FANCC: variants seen among roughly 807,000 people sequenced by gnomAD.
FANCC encodes the protein Fanconi anemia group C protein.
In FANCC, 55 loss-of-function variants were observed where a neutral mutation model predicts 71.3. The ratio of observed to expected loss-of-function variants is 0.77; its 90% CI spans 0.62 to 0.97. The LOEUF is 0.97. Among genes scored for constraint, FANCC ranks in the 50% least tolerant of loss-of-function variants. The pLI is 0.00. For synonymous variants in FANCC, 275 were observed against 244.9 expected (o/e 1.12, Z -1.15); for missense variants, 678 against 670.9 (o/e 1.01, Z -0.12).
At chr9:95,135,204 A>C (rs1489131765) in intron 8 of FANCC, 142 bp downstream of exon 8, 3 of 855,982 alleles carry the variant, frequency 3.5e-6, no homozygotes, top group Non-Finnish European at 5.7e-6. Flanking sequence ...TGATTTCAAA[A>C]ATAAAATGTA....
intron 1 of FANCC, among the ~76,000 whole-genome samples, chr9:95,290,868 AG>A (rs1173006762): frequency 6.6e-6 from 1 of 152,244 alleles, no homozygotes; most frequent in African/African-American, 2.4e-5. Flanking sequence ...ACATAAAAAA[AG>A]ATCACATATC....
chr9:95,139,769 A>G (rs1253333929), intron 7 of FANCC, among the ~76,000 whole-genome samples: 1 of 150,174 alleles, frequency 6.7e-6, no homozygotes, highest in African/African-American at 2.5e-5. Flanking sequence ...GGAGGAGGTA[A>G]TGAACATTTT....
chr9:95,136,225 AC>A (rs1741069736), intron 7 of FANCC, among the ~76,000 whole-genome samples: 1 of 151,962 alleles, frequency 6.6e-6, no homozygotes, highest in African/African-American at 2.4e-5. Context: ...CCCTGCTTCT[AC>A]AAAAAAAAAT....
intron 1 of FANCC, among the ~76,000 whole-genome samples, chr9:95,304,640 C>T (rs1364912126): frequency 6.8e-6 from 1 of 147,210 alleles, no homozygotes; most frequent in African/African-American, 2.5e-5. Context: ...ATCCCAGCTA[C>T]TTTGGAGGCT....
chr9:95,296,339 C>A (rs1254373575), intron 1 of FANCC, among the ~76,000 whole-genome samples: 1 of 152,074 alleles, frequency 6.6e-6, no homozygotes, highest in East Asian at 1.9e-4. Flanking sequence ...AGAGACAGAT[C>A]CTCAAATGTC....
intron 3 of FANCC, among the ~76,000 whole-genome samples, chr9:95,241,408 T>C (rs1305544982): frequency 6.6e-6 from 1 of 151,972 alleles, no homozygotes; most frequent in Non-Finnish European, 1.5e-5. Context: ...AACTTTGAAA[T>C]CTTACATTTT....
intron 6 of FANCC, among the ~76,000 whole-genome samples, chr9:95,165,977 A>C (rs971422579): frequency 5.3e-5 from 8 of 151,978 alleles, no homozygotes; most frequent in Admixed American, 4.6e-4. Context: ...ATATTATTGT[A>C]ATTGTTGTAT....
chr9:95,129,603 A>G (rs1322968178), intron 8 of FANCC, among the ~76,000 whole-genome samples: 1 of 152,118 alleles, frequency 6.6e-6, no homozygotes, highest in African/African-American at 2.4e-5. Flanking sequence ...AATAAAATAA[A>G]CCTTTTGTGG....
At position 95,139,641 on chromosome 9, in the gene FANCC, T is replaced by C. The variant is rs982946202; in HGVS notation, c.687-4139A>G. ...GCTGGTTAAAAAGCAGGCTCTGGAG[T>C]GATGTGGCTATGGTGTAATGCTGCT... On this transcript the variant is annotated intron_variant, in intron 7 of 14. Transcript: ENST00000289081. Among the ~76,000 whole-genome samples the C allele has an allele frequency of 4.6e-5, 7 of 150,952 alleles. No individual in the cohort carries two copies. The South Asian group carries it at 1.5e-3, about 32-fold the overall frequency.
At chr9:95,106,857 G>C (rs926514626) in intron 14 of FANCC, among the ~76,000 whole-genome samples, 4 of 152,160 alleles carry the variant, frequency 2.6e-5, no homozygotes, top group African/African-American at 2.4e-5. Flanking sequence ...TCCTGTCTCT[G>C]AGCCTCTGTT....
At chr9:95,123,788 G>C in intron 10 of FANCC, 1 of 699,256 alleles carries the variant, frequency 1.4e-6, no homozygotes, top group East Asian at 2.7e-5. Context: ...TCGATCTTGT[G>C]AAGCCCACAA....
chr9:95,128,348 T>C (rs912168507), intron 8 of FANCC, among the ~76,000 whole-genome samples: 1 of 152,226 alleles, frequency 6.6e-6, no homozygotes, highest in Non-Finnish European at 1.5e-5. Context: ...TAAGATCAAA[T>C]AGCACTGTTA....
chr9:95,110,808 T>C, intron 13 of FANCC: 1 of 1,133,168 alleles, frequency 8.8e-7, no homozygotes, highest in Non-Finnish European at 1.1e-6. Context: ...GCCAATGCCT[T>C]TAATCAAAGC....
chr9:95,220,141 A>G (rs1016171777), intron 4 of FANCC, among the ~76,000 whole-genome samples: 1 of 152,252 alleles, frequency 6.6e-6, no homozygotes, highest in Non-Finnish European at 1.5e-5. Context: ...TGGTCATCAG[A>G]GAAATGCAAA....
At chr9:95,232,071 C>G (rs770605849) in intron 4 of FANCC, among the ~76,000 whole-genome samples, 1 of 152,144 alleles carries the variant, frequency 6.6e-6, no homozygotes, top group Non-Finnish European at 1.5e-5. Context: ...GCTTGGCTTC[C>G]GGGGAGGCCT....
intron 1 of FANCC, among the ~76,000 whole-genome samples, chr9:95,251,466 C>CA (rs1416488401): frequency 1.3e-5 from 2 of 152,130 alleles, no homozygotes; most frequent in Non-Finnish European, 2.9e-5. Context: ...CAGGCACACA[C>CA]AACCACGCCC....
intron 13 of FANCC, 74 bp downstream of exon 13, chr9:95,111,387 CAG>C: frequency 6.3e-7 from 1 of 1,597,282 alleles, no homozygotes; most frequent in South Asian, 1.1e-5. Context: ...AAGCCCACAA[CAG>C]AGCCCCTCTC....
At chr9:95,116,421 A>G (rs1564654623) in intron 11 of FANCC, among the ~76,000 whole-genome samples, 1 of 152,232 alleles carries the variant, frequency 6.6e-6, no homozygotes, top group East Asian at 1.9e-4. Flanking sequence ...TCGAAAAAGG[A>G]AGAGGAATTT....
intron 1 of FANCC, among the ~76,000 whole-genome samples, chr9:95,304,879 C>T (rs1032619975): frequency 6.6e-6 from 1 of 151,802 alleles, no homozygotes; most frequent in Admixed American, 6.6e-5. Flanking sequence ...AAGGTATCAC[C>T]ATATCAACTA....
Sources: gnomAD v4.1 joint callset for allele counts (sites outside exome capture counted in the v4.1 genomes callset) on GRCh38, gnomAD v4.1.1 for gene constraint, MANE v1.5 for transcripts, NCBI Gene and HGNC (gene_info 2026-07-23, HGNC 2026-07-21) for gene names.